IQGAP2: variants seen among roughly 807,000 people sequenced by gnomAD.
IQGAP2 encodes the protein IQ motif containing GTPase activating protein 2.
Under a neutral mutation model 201.3 loss-of-function variants are expected in IQGAP2, and 173 were observed. The ratio of observed to expected loss-of-function variants is 0.86; its 90% CI spans 0.76 to 0.98. IQGAP2 has a LOEUF of 0.98. Among genes scored for constraint, IQGAP2 ranks in the 50% least tolerant of loss-of-function variants. IQGAP2 has a pLI of 0.00. For missense variants in IQGAP2, 1,687 were observed against 1,864.8 expected (o/e 0.90, Z 1.76); for synonymous variants, 675 against 673.9 (o/e 1.00, Z -0.03).
rs1270224283 is a variant in IQGAP2 at position 76,455,789 on chromosome 5, T to C, written c.47-5781T>C. Among the ~76,000 whole-genome samples, 4 of 152,330 alleles carry C rather than the reference T, an allele frequency of 2.6e-5. No homozygotes were observed. In the East Asian group the frequency reaches 7.7e-4, roughly 29 times the overall value. Reference sequence around the variant, plus strand: ...GGTAAACTTGTCTTGTCACTGTTAGTTACCCTCACTTCTCCACCTGGGAAA... The same window carrying C: ...GGTAAACTTGTCTTGTCACTGTTAGCTACCCTCACTTCTCCACCTGGGAAA... On this transcript the variant is annotated intron_variant, in intron 1 of 35. Coordinates refer to ENST00000274364, the MANE Select transcript of IQGAP2 (RefSeq NM_006633.5).
chr5:76,550,858 G>A (rs984926420), intron 2 of IQGAP2, among the ~76,000 whole-genome samples: 1 of 152,216 alleles, frequency 6.6e-6, no homozygotes, highest in African/African-American at 2.4e-5. Flanking sequence ...TTCTCAATGA[G>A]CTGTTGGGTA....
At chr5:76,655,696 C>T (rs1752857217) in intron 20 of IQGAP2, among the ~76,000 whole-genome samples, 1 of 152,158 alleles carries the variant, frequency 6.6e-6, no homozygotes, top group African/African-American at 2.4e-5. Context: ...ATTCACCTGC[C>T]TTGGCCTCCC....
chr5:76,496,410 A>T (rs1204314964), intron 2 of IQGAP2, among the ~76,000 whole-genome samples: 1 of 152,184 alleles, frequency 6.6e-6, no homozygotes, highest in Non-Finnish European at 1.5e-5. Flanking sequence ...CTTGCACTTG[A>T]AAGCCAGCAA....
chr5:76,462,819 A>T (rs57315995), intron 2 of IQGAP2, among the ~76,000 whole-genome samples: 21,240 of 152,208 alleles, frequency 0.14, 1,897 homozygotes, highest in Non-Finnish European at 0.2. Flanking sequence ...AGTGTCACGT[A>T]ACTTTCTTTA....
Position 76,665,126 on chromosome 5 carries a change from A to G in IQGAP2, c.2630A>G (p.Glu877Gly). 1 of 1,613,376 alleles carries G rather than the reference A, an allele frequency of 6.2e-7. No individual in the cohort carries two copies. Among genetic ancestry groups the G allele is most frequent in the Non-Finnish European group, 8.5e-7 (1 of 1,179,346 alleles). Residue 877 changes from glutamate (E) to glycine (G), a missense_variant, in exon 22 of 36, where the codon GAG (glutamate) becomes GGG (glycine). Coordinates refer to ENST00000274364, the MANE Select transcript of IQGAP2 (RefSeq NM_006633.5). ...DNQGIKSLSK[E>G]RRKTLETYQQ... ...CAAGGAATAAAAAGTTTGAGTAAGG[A>G]GAGGAGAAAAACACTAGAAACATAT... is the stretch of plus-strand genomic sequence containing the variant.
At chr5:76,706,759 C>G (rs1168246810) in intron 35 of IQGAP2, among the ~76,000 whole-genome samples, 1 of 152,224 alleles carries the variant, frequency 6.6e-6, no homozygotes, top group Non-Finnish European at 1.5e-5. Context: ...TCATCATTTA[C>G]TTTCATACAG....
At chr5:76,639,871 A>G (rs919384779) in intron 16 of IQGAP2, among the ~76,000 whole-genome samples, 1 of 152,234 alleles carries the variant, frequency 6.6e-6, no homozygotes, top group Non-Finnish European at 1.5e-5. Context: ...ATGGATTATT[A>G]GTGCTAATTT....
At chr5:76,647,796 C>G (rs1479766541) in intron 17 of IQGAP2, among the ~76,000 whole-genome samples, 1 of 151,150 alleles carries the variant, frequency 6.6e-6, no homozygotes, top group East Asian at 1.9e-4. Context: ...TAATTTCAGA[C>G]AGTAACTGCT....
chr5:76,701,126 C>A lies in IQGAP2; in HGVS notation c.4418C>A (p.Ala1473Glu), dbSNP rs745748799. ...GATGGAAAAGGAGAACCCAAAGGGGCGAAGAGAGCGAAGCCAGTGAAGTAC... is the reference window on the plus strand; with the variant it reads ...GATGGAAAAGGAGAACCCAAAGGGGAGAAGAGAGCGAAGCCAGTGAAGTAC... Reference protein sequence around the residue: ...KLDGKGEPKGAKRAKPVKYTA... With the variant: ...KLDGKGEPKGEKRAKPVKYTA... Residue 1473 changes from alanine (A) to glutamate (E), a missense_variant, in exon 34 of 36, where the codon GCG (alanine) becomes GAG (glutamate). Ala to Glu is a moderately radical substitution (Grantham distance 107). Coordinates refer to ENST00000274364, the MANE Select transcript of IQGAP2 (RefSeq NM_006633.5). The A allele has an allele frequency of 6.2e-7, 1 of 1,613,786 alleles. No homozygotes were observed. Among genetic ancestry groups the A allele is most frequent in the African/African-American group, 1.3e-5 (1 of 74,890 alleles).
At chr5:76,476,617 G>A (rs921088790) in intron 2 of IQGAP2, among the ~76,000 whole-genome samples, 1 of 152,176 alleles carries the variant, frequency 6.6e-6, no homozygotes, top group Admixed American at 6.5e-5. Context: ...GGGCTGGTTA[G>A]CAGGATGGAG....
intron 2 of IQGAP2, among the ~76,000 whole-genome samples, chr5:76,518,755 A>G (rs113502557): frequency 6.0e-4 from 92 of 152,292 alleles, no homozygotes; most frequent in African/African-American, 2.1e-3. Flanking sequence ...GACTCACAGC[A>G]TTTTCATCTG....
intron 2 of IQGAP2, among the ~76,000 whole-genome samples, chr5:76,506,423 T>C (rs772985634): frequency 5.3e-5 from 8 of 152,218 alleles, no homozygotes; most frequent in Non-Finnish European, 1.2e-4. Context: ...GGCATGAACT[T>C]ATCTCAAAGT....
intron 2 of IQGAP2, among the ~76,000 whole-genome samples, chr5:76,483,402 A>G (rs1477227368): frequency 2.0e-5 from 3 of 152,228 alleles, no homozygotes; most frequent in Non-Finnish European, 4.4e-5. Flanking sequence ...GCATCCATCA[A>G]GGAAATACTT....
At chr5:76,553,499 A>C (rs1177717820) in intron 2 of IQGAP2, among the ~76,000 whole-genome samples, 1 of 152,204 alleles carries the variant, frequency 6.6e-6, no homozygotes, top group African/African-American at 2.4e-5. Context: ...CCTGAGTAAC[A>C]ACTCAGATAG....
chr5:76,448,077 C>G (rs562196236), intron 1 of IQGAP2, among the ~76,000 whole-genome samples: 1 of 152,154 alleles, frequency 6.6e-6, no homozygotes, highest in African/African-American at 2.4e-5. Context: ...TGGTTTGCAT[C>G]TCCTAAGGGT....
intron 1 of IQGAP2, among the ~76,000 whole-genome samples, chr5:76,443,884 A>G (rs1329055078): frequency 6.6e-6 from 1 of 152,176 alleles, no homozygotes; most frequent in Non-Finnish European, 1.5e-5. Context: ...TTTCTATTTC[A>G]TAGCCACATT....
chr5:76,615,428 G>A (rs186836767), intron 13 of IQGAP2: 6 of 152,086 alleles, frequency 3.9e-5, no homozygotes, highest in Non-Finnish European at 7.4e-5. Flanking sequence ...GTCTTCATGT[G>A]GAAGCTTTTT....
chr5:76,603,980 T>A (rs6883527), intron 11 of IQGAP2, among the ~76,000 whole-genome samples: 76,984 of 151,180 alleles, frequency 0.51, 20,049 homozygotes, highest in South Asian at 0.71. Flanking sequence ...TTAAAAAAAA[T>A]TTTTTTTTAT....
chr5:76,568,969 C>G (rs1303150623), intron 3 of IQGAP2, among the ~76,000 whole-genome samples: 1 of 152,146 alleles, frequency 6.6e-6, no homozygotes, highest in Non-Finnish European at 1.5e-5. Flanking sequence ...CACAGAGTGG[C>G]CTTGTCTGAA....
Sources: gnomAD v4.1 joint callset for allele counts (sites outside exome capture counted in the v4.1 genomes callset) on GRCh38, gnomAD v4.1.1 for gene constraint, MANE v1.5 for transcripts, NCBI Gene and HGNC (gene_info 2026-07-23, HGNC 2026-07-21) for gene names.